Variants in KCNJ6 observed in about 807,000 individuals in gnomAD.
The protein encoded by KCNJ6 is potassium inwardly rectifying channel subfamily J member 6.
In KCNJ6, 9 loss-of-function variants were observed where a neutral mutation model predicts 34.2. The ratio of observed to expected loss-of-function variants is 0.26; its 90% confidence interval spans 0.16 to 0.46. The LOEUF (loss-of-function observed/expected upper bound fraction) is 0.46, where lower values mean the gene tolerates loss of function less well. Ranked by LOEUF, KCNJ6 falls within the 20% of genes least tolerant of loss-of-function variation. KCNJ6 has a pLI of 1.00. For synonymous variants in KCNJ6, 196 were observed against 207.1 expected, an observed-to-expected ratio of 0.95 and a Z score of 0.46; for missense variants, 236 against 531.3, an observed-to-expected ratio of 0.44 and a Z score of 5.46.
intron 3 of KCNJ6, among the ~76,000 whole-genome samples, chr21:37,645,467 T>C (rs1389162920): frequency 6.6e-6 from 1 of 151,632 alleles, no homozygotes; most frequent in Non-Finnish European, 1.5e-5. Flanking sequence ...TAGAGACATA[T>C]TTATCGAAGC....
chr21:37,827,919 G>A (rs1420141321), intron 2 of KCNJ6, among the ~76,000 whole-genome samples: 1 of 152,120 alleles, frequency 6.6e-6, no homozygotes, highest in Non-Finnish European at 1.5e-5. Context: ...TGGGGAGCTG[G>A]TATGATCAGT....
intron 1 of KCNJ6, among the ~76,000 whole-genome samples, chr21:37,856,974 T>A (rs958444232): frequency 2.6e-5 from 4 of 152,172 alleles, no homozygotes; most frequent in Admixed American, 6.5e-5. Context: ...TTTAAATGCA[T>A]TGCTTGTGGC....
intron 3 of KCNJ6, among the ~76,000 whole-genome samples, chr21:37,662,261 C>T (rs188387914): frequency 2.6e-5 from 4 of 152,260 alleles, no homozygotes; most frequent in African/African-American, 9.6e-5. Context: ...TCCCCATCCC[C>T]ATCCCTGACA....
intron 3 of KCNJ6, among the ~76,000 whole-genome samples, chr21:37,641,882 A>G (rs1321859662): frequency 6.6e-6 from 1 of 152,194 alleles, no homozygotes; most frequent in African/African-American, 2.4e-5. Flanking sequence ...AGGGAGACTG[A>G]AATGGATTCA....
chr21:37,639,854 T>C (rs1357185689), intron 3 of KCNJ6, among the ~76,000 whole-genome samples: 1 of 152,202 alleles, frequency 6.6e-6, no homozygotes, highest in Non-Finnish European at 1.5e-5. Flanking sequence ...CCTGACTCTC[T>C]CTCTCTTCCT....
intron 2 of KCNJ6, among the ~76,000 whole-genome samples, chr21:37,803,726 A>G (rs2055280532): frequency 6.6e-6 from 1 of 152,162 alleles, no homozygotes; most frequent in Non-Finnish European, 1.5e-5. Context: ...ATTTGCTTCA[A>G]ATTAAAATGA....
At chr21:37,860,087 G>A (rs2055587165) in intron 1 of KCNJ6, among the ~76,000 whole-genome samples, 1 of 152,076 alleles carries the variant, frequency 6.6e-6, no homozygotes. Context: ...AGGTCACCCG[G>A]TGCAATGGCT....
At chr21:37,826,656 G>A (rs188593343) in intron 2 of KCNJ6, among the ~76,000 whole-genome samples, 7 of 151,730 alleles carry the variant, frequency 4.6e-5, no homozygotes, top group South Asian at 2.1e-4. Flanking sequence ...AGGAAGAATC[G>A]TGTAAAATAA....
intron 2 of KCNJ6, among the ~76,000 whole-genome samples, chr21:37,786,468 T>A (rs889419896): frequency 1.3e-5 from 2 of 152,194 alleles, no homozygotes; most frequent in African/African-American, 4.8e-5. Flanking sequence ...GAGAAGACTG[T>A]CAGAGGCCAT....
intron 2 of KCNJ6, among the ~76,000 whole-genome samples, chr21:37,804,559 ATCT>A (rs765064817): frequency 1.1e-4 from 16 of 152,070 alleles, no homozygotes; most frequent in Non-Finnish European, 2.1e-4. Flanking sequence ...ATTTTTCCTG[ATCT>A]TCTCCCTCCT....
rs988450881 is a variant in KCNJ6, at chr21:37,607,841, T to G, written c.*17318A>C. ...ATCATTGGTTTTGCTTGGAGAAAAC[T>G]TTAGTTATTTTGTATGTTATATTTC... On this transcript the variant is annotated 3_prime_UTR_variant, in exon 4 of 4. Transcript: ENST00000609713. The G allele has an allele frequency of 1.3e-5, 2 of 152,220 alleles. No individual in the cohort carries two copies. The highest frequency in any genetic ancestry group is 4.8e-5 in the African/African-American group (2 of 41,470). 9.4% of individuals were successfully genotyped at this position (152,220 alleles called of 1,614,324 possible). A position where few individuals can be genotyped will look rare whatever the true frequency, so the allele number is the denominator to read the frequency against.
intron 3 of KCNJ6, among the ~76,000 whole-genome samples, chr21:37,707,013 G>T (rs1190443153): frequency 1.3e-5 from 2 of 152,250 alleles, no homozygotes; most frequent in African/African-American, 4.8e-5. Context: ...AAATTGGAAT[G>T]ATGAGACGTT....
intron 2 of KCNJ6, among the ~76,000 whole-genome samples, chr21:37,724,047 G>A (rs574214563): frequency 1.3e-5 from 2 of 152,318 alleles, no homozygotes; most frequent in African/African-American, 4.8e-5. Flanking sequence ...TGTGCGTGGA[G>A]GAAATGAAGG....
intron 1 of KCNJ6, among the ~76,000 whole-genome samples, chr21:37,893,777 T>C (rs1194818057): frequency 6.6e-6 from 1 of 152,210 alleles, no homozygotes; most frequent in Admixed American, 6.5e-5. Flanking sequence ...AAAATATTTA[T>C]TTTAAAAAGA....
chr21:37,870,691 A>C (rs2055647308), intron 1 of KCNJ6, among the ~76,000 whole-genome samples: 1 of 152,112 alleles, frequency 6.6e-6, no homozygotes, highest in Admixed American at 6.5e-5. Flanking sequence ...GTATGCCCAA[A>C]TGGTCTGGTT....
At chr21:37,744,272 C>A (rs1204916989) in intron 2 of KCNJ6, among the ~76,000 whole-genome samples, 1 of 151,770 alleles carries the variant, frequency 6.6e-6, no homozygotes, top group Non-Finnish European at 1.5e-5. Context: ...TGTAACAAAC[C>A]TGCACATTGT....
chr21:37,728,947 G>T (rs1211998317), intron 2 of KCNJ6, among the ~76,000 whole-genome samples: 1 of 152,144 alleles, frequency 6.6e-6, no homozygotes, highest in Non-Finnish European at 1.5e-5. Flanking sequence ...TGTCTGTGTT[G>T]TCATGTGAAG....
chr21:37,616,808 G>C lies in KCNJ6; in HGVS notation c.*8351C>G, dbSNP rs554568541. The C allele has an allele frequency of 2.6e-5, 4 of 151,262 alleles. No homozygotes were observed. Among genetic ancestry groups the C allele is most frequent in the African/African-American group, 7.3e-5 (3 of 41,052 alleles). 9.4% of individuals were successfully genotyped at this position (151,262 alleles called of 1,614,324 possible). On this transcript the variant is annotated 3_prime_UTR_variant, in exon 4 of 4. Transcript: ENST00000609713. ...GGAGCAAATTAAGAGAGAGCAGCTG[G>C]GGGGAATGGTTGGCTGACAATCTGC...
chr21:37,752,148 TGGA>T (rs1489860547), intron 2 of KCNJ6, among the ~76,000 whole-genome samples: 1 of 151,794 alleles, frequency 6.6e-6, no homozygotes, highest in African/African-American at 2.4e-5. Flanking sequence ...CAGTGGGAGG[TGGA>T]GAAGCACTGT....
Sources: gnomAD v4.1 joint callset for allele counts (sites outside exome capture counted in the v4.1 genomes callset) on GRCh38, gnomAD v4.1.1 for gene constraint, MANE v1.5 for transcripts, NCBI Gene and HGNC (gene_info 2026-07-23, HGNC 2026-07-21) for gene names.